The following GREM2 variants were observed in gnomAD, a reference collection of about 807,000 sequenced individuals.
GREM2 encodes gremlin 2, DAN family BMP antagonist, also known as gremlin-2.
GREM2 carries 11 observed loss-of-function variants against 14.2 expected under a neutral mutation model. That is an observed-to-expected ratio of 0.78 (90% CI 0.49 to 1.28). The LOEUF (loss-of-function observed/expected upper bound fraction) is 1.28, where lower values mean the gene tolerates loss of function less well. GREM2 is among the 50% of genes most tolerant of loss of function. The probability of loss-of-function intolerance (pLI) is 0.00; values close to 1 mark genes in which losing one functional copy is unlikely to be tolerated. For missense variants in GREM2, 210 were observed against 218.5 expected (o/e 0.96, Z 0.24); for synonymous variants, 98 against 97.6 (o/e 1.00, Z -0.02).
chr1:240,551,434 C>T (rs754969818), intron 1 of GREM2, among the ~76,000 whole-genome samples: 85 of 152,088 alleles, frequency 5.6e-4, no homozygotes, highest in Non-Finnish European at 1.0e-3. Context: ...CTGCAACTTT[C>T]GCCTCCTGGG....
At chr1:240,602,593 A>G (rs939356718) in intron 1 of GREM2, among the ~76,000 whole-genome samples, 2 of 149,246 alleles carry the variant, frequency 1.3e-5, no homozygotes, top group Non-Finnish European at 3.0e-5. Flanking sequence ...CCGAGGCAGG[A>G]GGATCACGAG....
chr1:240,529,949 G>C (rs976902665), intron 1 of GREM2, among the ~76,000 whole-genome samples: 1 of 152,140 alleles, frequency 6.6e-6, no homozygotes, highest in Non-Finnish European at 1.5e-5. Flanking sequence ...TGGGACACCG[G>C]TTATCCTGAA....
chr1:240,580,651 T>C (rs893751209), intron 1 of GREM2, among the ~76,000 whole-genome samples: 2 of 152,200 alleles, frequency 1.3e-5, no homozygotes, highest in African/African-American at 2.4e-5. Context: ...CATAGCTCAC[T>C]GTAACTTGGA....
At chr1:240,606,680 T>C (rs577189119) in intron 1 of GREM2, among the ~76,000 whole-genome samples, 8 of 149,970 alleles carry the variant, frequency 5.3e-5, no homozygotes, top group African/African-American at 1.9e-4. Flanking sequence ...AACAGTTCTT[T>C]TTTTTTTTTT....
intron 1 of GREM2, among the ~76,000 whole-genome samples, chr1:240,539,428 G>C (rs1472532561): frequency 1.3e-5 from 2 of 152,006 alleles, no homozygotes; most frequent in Non-Finnish European, 2.9e-5. Context: ...AGATGAGAGG[G>C]GAGCCACACA....
chr1:240,493,107 G>A lies in GREM2; in HGVS notation c.369C>T (p.Cys123=), dbSNP rs1385961848. The A allele has an allele frequency of 1.2e-6, 2 of 1,614,166 alleles. No individual in the cohort carries two copies. Among genetic ancestry groups the A allele is most frequent in the Admixed American group, 1.7e-5 (1 of 60,026 alleles). Residue 123 remains cysteine (C), a synonymous_variant, in exon 2 of 2, where the codon TGC becomes TGT. Coordinates refer to ENST00000318160, the MANE Select transcript of GREM2 (RefSeq NM_022469.4). ...GGACGGAGGTGACGCGCTGGGGCTT[G>A]CAGAAGGCGCAGGACTGGAAGGACT... The part of the protein sequence containing the change: ...EEESFQSCAF[C]KPQRVTSVLV...
chr1:240,513,142 A>T (rs191830568), intron 1 of GREM2, among the ~76,000 whole-genome samples: 20 of 152,348 alleles, frequency 1.3e-4, no homozygotes, highest in Admixed American at 1.2e-3. Context: ...GGACATAATT[A>T]GGTTGAATGG....
chr1:240,565,308 C>T lies in GREM2; in HGVS notation c.-2+46576G>A, dbSNP rs547256933. Among the ~76,000 whole-genome samples the T allele has an allele frequency of 3.3e-5, 5 of 152,148 alleles. No individual in the cohort carries two copies. In the South Asian group the frequency reaches 8.3e-4, roughly 25 times the overall value. ...ATCTTCACTTATGAAATGGTAACAT[C>T]AAATTAGCAATATGAATCATTAAAA... On this transcript the variant is annotated intron_variant, in intron 1 of 1. Coordinates refer to ENST00000318160, the MANE Select transcript of GREM2 (RefSeq NM_022469.4).
chr1:240,504,101 A>G (rs533818172), intron 1 of GREM2, among the ~76,000 whole-genome samples: 1 of 152,344 alleles, frequency 6.6e-6, no homozygotes, highest in South Asian at 2.1e-4. Flanking sequence ...CACTTTCTAC[A>G]TAAGCCTTTA....
intron 1 of GREM2, among the ~76,000 whole-genome samples, chr1:240,605,912 AAATT>A (rs1355244035): frequency 6.6e-6 from 1 of 152,146 alleles, no homozygotes; most frequent in African/African-American, 2.4e-5. Flanking sequence ...AATTTTTAAA[AAATT>A]AATTGATTTT....
chr1:240,605,140 A>C (rs1680001093), intron 1 of GREM2, among the ~76,000 whole-genome samples: 1 of 152,172 alleles, frequency 6.6e-6, no homozygotes, highest in Admixed American at 6.5e-5. Flanking sequence ...AGTAGGATGG[A>C]TGCGTCAGGT....
intron 1 of GREM2, among the ~76,000 whole-genome samples, chr1:240,532,646 TAGATAGATAGATAG>T (rs1558152025): frequency 4.2e-3 from 164 of 39,322 alleles, no homozygotes; most frequent in South Asian, 8.7e-3. Context: ...TATATATAGA[TAGATAGATAGATAG>T]ATAGATAGAT....
At chr1:240,521,137 T>C (rs1678074877) in intron 1 of GREM2, among the ~76,000 whole-genome samples, 2 of 152,166 alleles carry the variant, frequency 1.3e-5, no homozygotes, top group African/African-American at 4.8e-5. Flanking sequence ...CCATTCCCTA[T>C]GCTGTCAGTT....
intron 1 of GREM2, among the ~76,000 whole-genome samples, chr1:240,516,122 C>T (rs2103297210): frequency 8.2e-6 from 1 of 122,590 alleles, no homozygotes; most frequent in South Asian, 2.4e-4. Flanking sequence ...TCTCTCCAAC[C>T]CTGACTTTTT....
intron 1 of GREM2, among the ~76,000 whole-genome samples, chr1:240,577,902 C>T (rs569647558): frequency 6.6e-6 from 1 of 152,170 alleles, no homozygotes; most frequent in East Asian, 1.9e-4. Flanking sequence ...ATAAATCACT[C>T]ATTAAAGACA....
At chr1:240,499,085 C>G (rs548488916) in intron 1 of GREM2, among the ~76,000 whole-genome samples, 1 of 152,346 alleles carries the variant, frequency 6.6e-6, no homozygotes, top group African/African-American at 2.4e-5. Flanking sequence ...CCATCACAGG[C>G]CCCTTCTATC....
In GREM2 at chr1:240,508,975, C is replaced by T. The variant is rs1303987244; in HGVS notation, c.-1-15499G>A. Among the ~76,000 whole-genome samples, 4 of 152,284 alleles carry T rather than the reference C, an allele frequency of 2.6e-5. No individual in the cohort carries two copies. The East Asian group carries it at 5.8e-4, about 22-fold the overall frequency. ...TGGGGCAAACTTCATTAATTATATC[C>T]TCATTAATAAGGACCAGAGACTAAT... On this transcript the variant is annotated intron_variant, in intron 1 of 1. Transcript: ENST00000318160.
intron 1 of GREM2, among the ~76,000 whole-genome samples, chr1:240,493,700 T>C (rs927123321): frequency 6.1e-4 from 78 of 128,690 alleles, no homozygotes; most frequent in African/African-American, 1.8e-3. Flanking sequence ...TACTTTCTTT[T>C]TATTTTTTTT....
Position 240,493,403 on chromosome 1 carries a change from G to A in GREM2, c.73C>T (p.Arg25Trp), listed in dbSNP as rs1377063510. The change falls in exon 2 of 2, where the codon CGG (arginine) becomes TGG (tryptophan). Residue 25 changes from arginine to tryptophan, a missense_variant. Arg to Trp is a moderately radical substitution (Grantham distance 101, BLOSUM62 -3). Coordinates refer to ENST00000318160, the MANE Select transcript of GREM2 (RefSeq NM_022469.4). ...LVKVAEARKN[R>W]PAGAIPSPYK... The stretch of plus-strand genomic sequence containing the variant: ...GGCGAGGGGATGGCGCCCGCCGGCC[G>A]GTTCTTCCGGGCTTCCGCCACCTTC... The A allele has an allele frequency of 1.2e-6, 2 of 1,613,390 alleles. No homozygotes were observed. Among genetic ancestry groups the A allele is most frequent in the Admixed American group, 1.7e-5 (1 of 59,970 alleles).
Sources: allele counts gnomAD v4.1 joint callset (sites outside exome capture counted in the v4.1 genomes callset), GRCh38; gene constraint gnomAD v4.1.1; transcripts MANE v1.5; gene names NCBI Gene and HGNC (gene_info 2026-07-23, HGNC 2026-07-21).